ACOXL: variants seen among roughly 807,000 people sequenced by gnomAD.
ACOXL encodes acyl-CoA oxidase like.
A neutral mutation model predicts 71.9 loss-of-function variants in ACOXL; 70 were observed. The observed-to-expected ratio is 0.97, with a 90% CI of 0.80 to 1.19. ACOXL has a LOEUF of 1.19. ACOXL is among the 50% of genes most tolerant of loss of function. The probability of loss-of-function intolerance (pLI) is 0.00; values close to 1 mark genes in which losing one functional copy is unlikely to be tolerated. For synonymous variants in ACOXL, 253 were observed against 281.6 expected (o/e 0.90, Z 1.02); for missense variants, 703 against 736.3 (o/e 0.95, Z 0.52).
intron 10 of ACOXL, among the ~76,000 whole-genome samples, chr2:110,860,147 G>T (rs1041393398): frequency 6.6e-6 from 1 of 152,144 alleles, no homozygotes. Context: ...GTCTTGCTCT[G>T]TTGCCCAGGC....
Position 110,870,244 on chromosome 2 carries a change from T to C in ACOXL, c.788+28839T>C, listed in dbSNP as rs1015460376. Among the ~76,000 whole-genome samples, 4 of 152,232 alleles carry C rather than the reference T, an allele frequency of 2.6e-5. No individual in the cohort carries two copies. The East Asian group carries it at 7.7e-4, about 29-fold the overall frequency. ...CTGGACAGCACAGAGCATCCCATCT[T>C]TGTGGAAGACTCTTTAGGCAGCACT... On this transcript the variant is annotated intron_variant, in intron 10 of 17. Coordinates refer to ENST00000439055, the MANE Select transcript of ACOXL (RefSeq NM_001142807.4).
intron 17 of ACOXL, among the ~76,000 whole-genome samples, chr2:111,108,369 A>ATTTTTTT (rs1173842815): frequency 7.6e-4 from 47 of 62,020 alleles, no homozygotes; most frequent in South Asian, 1.7e-3. Flanking sequence ...AAGTGCATGA[A>ATTTTTTT]TCTTTTTTTT....
intron 14 of ACOXL, among the ~76,000 whole-genome samples, chr2:110,996,560 C>T (rs1334261377): frequency 8.5e-5 from 13 of 152,102 alleles, no homozygotes; most frequent in South Asian, 2.1e-4. Context: ...TCTTCTGATC[C>T]GGCACAGAAT....
At chr2:110,992,873 A>G (rs1034273759) in intron 13 of ACOXL, among the ~76,000 whole-genome samples, 1 of 152,208 alleles carries the variant, frequency 6.6e-6, no homozygotes, top group Non-Finnish European at 1.5e-5. Context: ...CCTTGCACCC[A>G]ACGTGTTTTT....
chr2:111,079,707 C>A (rs2067794219), intron 16 of ACOXL, among the ~76,000 whole-genome samples: 1 of 152,178 alleles, frequency 6.6e-6, no homozygotes, highest in African/African-American at 2.4e-5. Flanking sequence ...CCTCAAGTAG[C>A]TTCTCCATGC....
At chr2:110,923,336 A>G (rs1230046036) in intron 11 of ACOXL, among the ~76,000 whole-genome samples, 2 of 151,796 alleles carry the variant, frequency 1.3e-5, no homozygotes, top group African/African-American at 2.4e-5. Context: ...TTTCTCTACT[A>G]AGGGTGTCAC....
At chr2:111,080,451 A>G (rs969511469) in intron 16 of ACOXL, among the ~76,000 whole-genome samples, 2 of 152,044 alleles carry the variant, frequency 1.3e-5, no homozygotes, top group African/African-American at 4.8e-5. Flanking sequence ...GAACTTATTT[A>G]TTTCTGCCTA....
chr2:110,877,305 A>G (rs577125200), intron 10 of ACOXL, among the ~76,000 whole-genome samples: 1 of 152,326 alleles, frequency 6.6e-6, no homozygotes, highest in South Asian at 2.1e-4. Flanking sequence ...TGCAGGCAGC[A>G]GGGCGTCTCT....
chr2:110,811,785 A>ACACACACACACACACG (rs1225876415), intron 9 of ACOXL, among the ~76,000 whole-genome samples: 38 of 149,076 alleles, frequency 2.5e-4, no homozygotes, highest in Non-Finnish European at 3.7e-4. Context: ...ACACACACAC[A>ACACACACACACACACG]CGCGGGGAGG....
intron 1 of ACOXL, among the ~76,000 whole-genome samples, chr2:110,751,524 C>T (rs188158138): frequency 1.3e-5 from 2 of 152,232 alleles, no homozygotes; most frequent in East Asian, 1.9e-4. Context: ...CCCTAAATAA[C>T]TCAGTGTGCA....
At chr2:111,014,374 A>G (rs534383411) in intron 14 of ACOXL, among the ~76,000 whole-genome samples, 2 of 152,380 alleles carry the variant, frequency 1.3e-5, no homozygotes, top group African/African-American at 2.4e-5. Flanking sequence ...TTACAATATC[A>G]TCTAAAAACA....
intron 1 of ACOXL, among the ~76,000 whole-genome samples, chr2:110,740,473 G>T (rs185521493): frequency 9.7e-4 from 148 of 152,316 alleles, no homozygotes; most frequent in Non-Finnish European, 1.6e-3. Context: ...GCAGCCTGCA[G>T]CCCCACAGTC....
chr2:110,884,590 T>C (rs1383415619), intron 10 of ACOXL, among the ~76,000 whole-genome samples: 1 of 152,154 alleles, frequency 6.6e-6, no homozygotes, highest in Non-Finnish European at 1.5e-5. Context: ...ATGATTCTAT[T>C]TGTGTAAAGA....
intron 16 of ACOXL, among the ~76,000 whole-genome samples, chr2:111,089,191 T>A (rs758515724): frequency 5.3e-5 from 8 of 152,126 alleles, no homozygotes; most frequent in Non-Finnish European, 8.8e-5. Context: ...TCCCAGCTAC[T>A]CGGGAGGCTG....
intron 16 of ACOXL, among the ~76,000 whole-genome samples, chr2:111,050,475 T>C (rs1317358901): frequency 6.6e-6 from 1 of 152,194 alleles, no homozygotes; most frequent in African/African-American, 2.4e-5. Flanking sequence ...CAAGGACCTT[T>C]CCTTCCAGGT....
At chr2:110,765,839 A>G (rs1477498656) in intron 1 of ACOXL, among the ~76,000 whole-genome samples, 1 of 152,220 alleles carries the variant, frequency 6.6e-6, no homozygotes, top group Non-Finnish European at 1.5e-5. Flanking sequence ...TCCAACATAT[A>G]CATTTTGGAG....
chr2:110,752,827 C>T (rs1408355646), intron 1 of ACOXL, among the ~76,000 whole-genome samples: 9 of 152,068 alleles, frequency 5.9e-5, no homozygotes, highest in Non-Finnish European at 1.0e-4. Context: ...TATTGTCTCA[C>T]GCAGTGTCTG....
intron 16 of ACOXL, among the ~76,000 whole-genome samples, chr2:111,074,855 A>C (rs900871998): frequency 6.6e-5 from 10 of 152,188 alleles, no homozygotes; most frequent in African/African-American, 2.4e-4. Flanking sequence ...TTGTCCTCCC[A>C]AAGTGCTGGG....
chr2:110,772,641 C>G (rs984058659), intron 2 of ACOXL, among the ~76,000 whole-genome samples: 5 of 152,198 alleles, frequency 3.3e-5, no homozygotes, highest in Non-Finnish European at 7.3e-5. Context: ...CAACCGTTCT[C>G]TCTCTCACCC....
Sources: allele counts gnomAD v4.1 joint callset (sites outside exome capture counted in the v4.1 genomes callset), GRCh38; gene constraint gnomAD v4.1.1; transcripts MANE v1.5; gene names NCBI Gene and HGNC (gene_info 2026-07-23, HGNC 2026-07-21).